The following SNTG1 variants were observed in gnomAD, a reference collection of about 807,000 sequenced individuals.
SNTG1 encodes the protein syntrophin gamma 1, also known as gamma-1-syntrophin.
Under a neutral mutation model 74.7 loss-of-function variants are expected in SNTG1, and 39 were observed. That is an observed-to-expected ratio of 0.52 (90% CI 0.40 to 0.68). The LOEUF is 0.68. Among genes scored for constraint, SNTG1 ranks in the 30% least tolerant of loss-of-function variants. The pLI is 0.00. For synonymous variants in SNTG1, 254 were observed against 217.1 expected (o/e 1.17, Z -1.49); for missense variants, 685 against 609.5 (o/e 1.12, Z -1.30).
In SNTG1 at chr8:50,016,853, C is replaced by A. The variant is rs1019152493; in HGVS notation, c.-103+104622C>A. Among the ~76,000 whole-genome samples, 18 of 151,646 alleles carry A rather than the reference C, an allele frequency of 1.2e-4. 2 individuals are homozygous for A. Among genetic ancestry groups the A allele is most frequent in the African/African-American group, 4.4e-4 (18 of 41,364 alleles). On this transcript the variant is annotated intron_variant, in intron 1 of 18. Coordinates refer to ENST00000642720, the MANE Select transcript of SNTG1 (RefSeq NM_018967.5). ...TATCAAACAGCAAATTCCACCAATA[C>A]AAAAAAAATGCAATGAGTTTGCACC... is the stretch of plus-strand genomic sequence containing the variant.
At chr8:50,010,544 AT>A (rs1451400651) in intron 1 of SNTG1, among the ~76,000 whole-genome samples, 1 of 152,196 alleles carries the variant, frequency 6.6e-6, no homozygotes, top group Non-Finnish European at 1.5e-5. Flanking sequence ...ATGAAAAAAA[AT>A]CATATACCCT....
chr8:50,000,420 G>A (rs1814635869), intron 1 of SNTG1, among the ~76,000 whole-genome samples: 2 of 152,078 alleles, frequency 1.3e-5, no homozygotes, highest in Admixed American at 1.3e-4. Context: ...GCTCCTCCGA[G>A]TTGTTCTGGA....
chr8:50,160,030 A>T (rs2082367207), intron 1 of SNTG1, among the ~76,000 whole-genome samples: 1 of 152,216 alleles, frequency 6.6e-6, no homozygotes, highest in South Asian at 2.1e-4. Context: ...ACAATAAAAC[A>T]GTAGCAAACT....
intron 18 of SNTG1, among the ~76,000 whole-genome samples, chr8:50,773,509 A>G (rs2095632459): frequency 6.6e-6 from 1 of 152,140 alleles, no homozygotes; most frequent in South Asian, 2.1e-4. Context: ...CTTTGCTTCT[A>G]GTAATTTACA....
chr8:50,679,175 C>A (rs144859201), intron 15 of SNTG1, among the ~76,000 whole-genome samples: 2,442 of 152,054 alleles, frequency 0.016, 40 homozygotes, highest in Middle Eastern at 0.037. Context: ...CCATTTATTT[C>A]TGGAAATAAT....
intron 2 of SNTG1, among the ~76,000 whole-genome samples, chr8:50,311,064 G>C (rs1052852109): frequency 3.3e-5 from 5 of 152,142 alleles, no homozygotes; most frequent in African/African-American, 1.2e-4. Context: ...ATTTCACTGA[G>C]GCATGATTCT....
intron 15 of SNTG1, among the ~76,000 whole-genome samples, chr8:50,694,198 T>C (rs962570225): frequency 6.6e-6 from 1 of 150,770 alleles, no homozygotes; most frequent in Non-Finnish European, 1.5e-5. Context: ...AACCTTTAGC[T>C]AAACTAAGAA....
At chr8:50,378,064 G>T (rs2092419668) in intron 2 of SNTG1, among the ~76,000 whole-genome samples, 1 of 152,244 alleles carries the variant, frequency 6.6e-6, no homozygotes, top group African/African-American at 2.4e-5. Context: ...CTTGGCTCAT[G>T]CTACCAGCCT....
chr8:49,917,407 A>G (rs79154912), intron 1 of SNTG1, among the ~76,000 whole-genome samples: 1 of 152,162 alleles, frequency 6.6e-6, no homozygotes. Flanking sequence ...ATCAGACTTA[A>G]GTTCGAATCC....
At chr8:50,125,250 G>C (rs1174579761) in intron 1 of SNTG1, among the ~76,000 whole-genome samples, 1 of 142,284 alleles carries the variant, frequency 7.0e-6, no homozygotes, top group African/African-American at 2.5e-5. Context: ...TTAAATCCCA[G>C]CTAAGAATAT....
chr8:49,940,180 C>T (rs968636044), intron 1 of SNTG1, among the ~76,000 whole-genome samples: 4 of 152,090 alleles, frequency 2.6e-5, no homozygotes, highest in African/African-American at 7.2e-5. Context: ...ACCAAATGCC[C>T]TGAAAGACCT....
intron 5 of SNTG1, among the ~76,000 whole-genome samples, chr8:50,449,358 C>A (rs2093434497): frequency 6.6e-6 from 1 of 152,138 alleles, no homozygotes; most frequent in African/African-American, 2.4e-5. Flanking sequence ...GTTTGGAATC[C>A]TAAATAAGAA....
At chr8:50,622,669 A>T (rs1397832868) in intron 13 of SNTG1, among the ~76,000 whole-genome samples, 1 of 152,132 alleles carries the variant, frequency 6.6e-6, no homozygotes, top group South Asian at 2.1e-4. Context: ...AAGAATATAT[A>T]TGTAAATATT....
At chr8:50,640,380 C>T (rs1019733167) in intron 13 of SNTG1, among the ~76,000 whole-genome samples, 1 of 152,182 alleles carries the variant, frequency 6.6e-6, no homozygotes, top group African/African-American at 2.4e-5. Flanking sequence ...TTTCACCTTA[C>T]TCTGCTAATT....
chr8:50,288,313 C>T (rs2088898827), intron 2 of SNTG1, among the ~76,000 whole-genome samples: 2 of 152,156 alleles, frequency 1.3e-5, no homozygotes, highest in Middle Eastern at 3.4e-3. Context: ...AAGAGAAATA[C>T]AACTAACCTA....
intron 2 of SNTG1, among the ~76,000 whole-genome samples, chr8:50,315,079 T>C (rs1379571525): frequency 6.7e-6 from 1 of 149,946 alleles, no homozygotes; most frequent in Non-Finnish European, 1.5e-5. Context: ...TTGCCTTATT[T>C]TAAAAAATGA....
chr8:50,333,030 A>C (rs2091020127), intron 2 of SNTG1, among the ~76,000 whole-genome samples: 1 of 152,270 alleles, frequency 6.6e-6, no homozygotes, highest in East Asian at 1.9e-4. Flanking sequence ...AGCTAGCAAT[A>C]GTTTGATATA....
At chr8:50,055,729 A>G (rs1484814762) in intron 1 of SNTG1, among the ~76,000 whole-genome samples, 1 of 152,104 alleles carries the variant, frequency 6.6e-6, no homozygotes, top group Non-Finnish European at 1.5e-5. Context: ...CAGTCCTGAG[A>G]AAAGGTACCT....
chr8:50,329,721 C>T (rs746879154), intron 2 of SNTG1, among the ~76,000 whole-genome samples: 10 of 152,076 alleles, frequency 6.6e-5, no homozygotes, highest in East Asian at 1.9e-4. Context: ...GACAAGCCCT[C>T]GAGACATTTT....
Sources: allele counts gnomAD v4.1 joint callset (sites outside exome capture counted in the v4.1 genomes callset), GRCh38; gene constraint gnomAD v4.1.1; transcripts MANE v1.5; gene names NCBI Gene and HGNC (gene_info 2026-07-23, HGNC 2026-07-21).